Variants in NAALADL2 observed in about 807,000 individuals in gnomAD.
NAALADL2 encodes inactive N-acetylated-alpha-linked acidic dipeptidase-like protein 2.
In NAALADL2, 76 loss-of-function variants were observed where a neutral mutation model predicts 87.2. The observed-to-expected ratio is 0.87, with a 90% CI of 0.72 to 1.05. The LOEUF is 1.05. NAALADL2 is among the 50% of genes least tolerant of loss of function. The pLI is 0.00. For missense variants in NAALADL2, 1,089 were observed against 945.8 expected (o/e 1.15, Z -1.99); for synonymous variants, 354 against 331.0 (o/e 1.07, Z -0.75).
At chr3:175,592,394 T>C (rs1721634197) in intron 10 of NAALADL2, among the ~76,000 whole-genome samples, 1 of 151,920 alleles carries the variant, frequency 6.6e-6, no homozygotes, top group African/African-American at 2.4e-5. Flanking sequence ...ATTTAATCTT[T>C]AATAATTGTT....
chr3:175,195,060 A>G (rs1006265909), intron 2 of NAALADL2, among the ~76,000 whole-genome samples: 2 of 151,588 alleles, frequency 1.3e-5, no homozygotes, highest in Non-Finnish European at 3.0e-5. Flanking sequence ...CTCTAAGACT[A>G]TATAATTCTT....
At chr3:175,358,742 C>T (rs1764662115) in intron 5 of NAALADL2, among the ~76,000 whole-genome samples, 1 of 152,166 alleles carries the variant, frequency 6.6e-6, no homozygotes, top group Non-Finnish European at 1.5e-5. Context: ...CTGGCAGCCA[C>T]ACATTTTATT....
intron 9 of NAALADL2, among the ~76,000 whole-genome samples, chr3:175,503,089 T>C (rs560397285): frequency 6.6e-6 from 1 of 152,216 alleles, no homozygotes; most frequent in East Asian, 1.9e-4. Flanking sequence ...ACCCACCATC[T>C]ACCCTCAAGT....
At chr3:175,749,189 G>A (rs1462949819) in intron 12 of NAALADL2, among the ~76,000 whole-genome samples, 9 of 108,522 alleles carry the variant, frequency 8.3e-5, no homozygotes. Context: ...AGGGAGAGGA[G>A]GGGAAGGGAG....
chr3:175,702,199 T>C (rs1739084563), intron 11 of NAALADL2, among the ~76,000 whole-genome samples: 1 of 152,176 alleles, frequency 6.6e-6, no homozygotes, highest in Admixed American at 6.6e-5. Flanking sequence ...TAGTAGTTTA[T>C]AGAGGTCTGG....
intron 13 of NAALADL2, among the ~76,000 whole-genome samples, chr3:175,799,056 G>C (rs1235377310): frequency 6.6e-6 from 1 of 151,940 alleles, no homozygotes; most frequent in African/African-American, 2.4e-5. Context: ...GATAATAATG[G>C]ATTATAATAT....
At chr3:174,893,544 T>C (rs1034142789) in intron 1 of NAALADL2, among the ~76,000 whole-genome samples, 2 of 152,168 alleles carry the variant, frequency 1.3e-5, no homozygotes, top group Non-Finnish European at 2.9e-5. Flanking sequence ...AACAAAAAGT[T>C]AAAAAGGGTG....
intron 1 of NAALADL2, among the ~76,000 whole-genome samples, chr3:175,051,953 A>T (rs1755453764): frequency 6.6e-6 from 1 of 152,214 alleles, no homozygotes; most frequent in Non-Finnish European, 1.5e-5. Flanking sequence ...GTGCTAGAGG[A>T]ATTAAAGACA....
At position 174,859,334 on chromosome 3, in the gene NAALADL2, A is replaced by C. The variant is rs1297621013; in HGVS notation, c.-74A>C. The C allele has an allele frequency of 8.2e-6, 9 of 1,093,018 alleles. No homozygotes were observed. Among genetic ancestry groups the C allele is most frequent in the African/African-American group, 1.6e-5 (1 of 64,356 alleles). The allele number at this position is 1,093,018 out of a possible 1,614,324, so 67.7% of individuals were successfully genotyped here. On this transcript the variant is annotated 5_prime_UTR_variant, in exon 1 of 14. Coordinates refer to ENST00000454872, the MANE Select transcript of NAALADL2 (RefSeq NM_207015.3). ...TGTTACAATACTACAGTAGAAAGTC[A>C]GAAGGTCACAAAGCTTGCAGGGTAA...
rs1350769684 is a variant in NAALADL2, at chr3:175,054,976, C to CT, written c.44-41812dup. On this transcript the variant is annotated intron_variant, in intron 1 of 13. Transcript: ENST00000454872. The stretch of plus-strand genomic sequence containing the variant: ...TGCAAAATATGACTACTTTGATATA[C>CT]TTCGGGGGCTTTACCAACTCCAACT... 5.4e-5 allele frequency among the ~76,000 whole-genome samples: 8 copies of CT among 148,992 alleles called. No homozygotes were observed. The Admixed American group carries it at 5.5e-4, about 10-fold the overall frequency.
chr3:175,261,054 G>C (rs75987423), intron 4 of NAALADL2, among the ~76,000 whole-genome samples: 1 of 152,058 alleles, frequency 6.6e-6, no homozygotes, highest in Non-Finnish European at 1.5e-5. Context: ...AGTTATAGTT[G>C]TGCTAGTTTC....
chr3:174,522,485 C>A (rs1443690524), intron 1 of NAALADL2, among the ~76,000 whole-genome samples: 1 of 151,908 alleles, frequency 6.6e-6, no homozygotes, highest in African/African-American at 2.4e-5. Context: ...ACATAGACTT[C>A]ATCTCTCCAA....
rs756123504 is a variant in NAALADL2 at position 175,675,864 on chromosome 3, GC to G, written c.1896+48480del. 4 of 152,102 alleles carry G rather than the reference GC, an allele frequency of 2.6e-5. No individual in the cohort carries two copies. The East Asian group carries it at 7.7e-4, about 29-fold the overall frequency. The allele number at this position is 152,102 out of a possible 1,614,324, so 9.4% of individuals were successfully genotyped here. A position where few individuals can be genotyped will look rare whatever the true frequency, so the allele number is the denominator to read the frequency against. On this transcript the variant is annotated intron_variant, in intron 11 of 13. Transcript: ENST00000454872. ...TTTCATTAGACAATTAAGTTTTTCA[GC>G]CTTTCTTGTCATTATATGCATACAC...
intron 3 of NAALADL2, among the ~76,000 whole-genome samples, chr3:174,812,834 TATAGA>T (rs1720368719): frequency 6.6e-6 from 1 of 151,944 alleles, no homozygotes; most frequent in Admixed American, 6.6e-5. Flanking sequence ...GAAATAGGCT[TATAGA>T]ATAAAGATAT....
intron 2 of NAALADL2, among the ~76,000 whole-genome samples, chr3:174,561,959 C>T (rs889436108): frequency 2.0e-5 from 3 of 151,988 alleles, no homozygotes; most frequent in Admixed American, 2.0e-4. Context: ...GAAAATTCTT[C>T]CATAATCCTA....
chr3:175,011,555 CAGTT>C (rs1205158220), intron 1 of NAALADL2, among the ~76,000 whole-genome samples: 1 of 152,164 alleles, frequency 6.6e-6, no homozygotes, highest in East Asian at 1.9e-4. Context: ...TTTGTAGCTC[CAGTT>C]GAGTCTGAAG....
chr3:175,548,187 G>A (rs970459917), intron 9 of NAALADL2, among the ~76,000 whole-genome samples: 13 of 152,126 alleles, frequency 8.5e-5, no homozygotes, highest in Non-Finnish European at 1.5e-4. Flanking sequence ...TAAAGAAAAT[G>A]TGGTACATAT....
Position 175,163,929 on chromosome 3 carries a change from G to T in NAALADL2, c.545+66638G>T, listed in dbSNP as rs534775544. On this transcript the variant is annotated intron_variant, in intron 2 of 13. Transcript: ENST00000454872. ...GCAATATTCCATTGTCAATGATGCA[G>T]AAATTTGAATGTGAAACAGGTTCTG... Among the ~76,000 whole-genome samples the T allele has an allele frequency of 3.3e-5, 5 of 152,292 alleles. No homozygotes were observed. In the South Asian group the frequency reaches 8.3e-4, roughly 25 times the overall value.
intron 1 of NAALADL2, among the ~76,000 whole-genome samples, chr3:174,496,482 T>C (rs1718543047): frequency 7.1e-6 from 1 of 141,278 alleles, no homozygotes; most frequent in Non-Finnish European, 1.5e-5. Context: ...TGTGTGTCTG[T>C]GTCTATATGT....
Sources: allele counts gnomAD v4.1 joint callset (sites outside exome capture counted in the v4.1 genomes callset), GRCh38; gene constraint gnomAD v4.1.1; transcripts MANE v1.5; gene names NCBI Gene and HGNC (gene_info 2026-07-23, HGNC 2026-07-21).